CORO2B: variants seen among roughly 807,000 people sequenced by gnomAD.
CORO2B encodes coronin 2B, also known as coronin-2B.
CORO2B carries 26 observed loss-of-function variants against 58.8 expected under a neutral mutation model. The ratio of observed to expected loss-of-function variants is 0.44; its 90% CI spans 0.32 to 0.61. The LOEUF (loss-of-function observed/expected upper bound fraction) is 0.61, where lower values mean the gene tolerates loss of function less well. Ranked by LOEUF, CORO2B falls within the 20% of genes least tolerant of loss-of-function variation. The pLI, the probability that CORO2B is intolerant of heterozygous loss-of-function variation, is 0.04. For missense variants in CORO2B, 460 were observed against 645.1 expected (o/e 0.71, Z 3.11); for synonymous variants, 242 against 253.8 (o/e 0.95, Z 0.44).
intron 2 of CORO2B, among the ~76,000 whole-genome samples, chr15:68,651,814 A>G (rs1901652202): frequency 1.3e-5 from 2 of 152,254 alleles, no homozygotes; most frequent in African/African-American, 4.8e-5. Flanking sequence ...AGGGAGGCTC[A>G]GAACCTTCCA....
At chr15:68,670,508 C>T (rs555913370) in intron 2 of CORO2B, among the ~76,000 whole-genome samples, 4 of 152,114 alleles carry the variant, frequency 2.6e-5, no homozygotes, top group Non-Finnish European at 5.9e-5. Context: ...CATTAGTTTC[C>T]GTAGATGGAT....
chr15:68,632,705 C>T (rs1175445159), intron 1 of CORO2B, among the ~76,000 whole-genome samples: 2 of 152,214 alleles, frequency 1.3e-5, no homozygotes, highest in African/African-American at 2.4e-5. Context: ...ATTCTCGTAC[C>T]TCAGCCTCCT....
At chr15:68,661,861 G>A (rs1902024340) in intron 2 of CORO2B, among the ~76,000 whole-genome samples, 1 of 152,114 alleles carries the variant, frequency 6.6e-6, no homozygotes, top group African/African-American at 2.4e-5. Flanking sequence ...ACAAAAATTA[G>A]CCAGGTGTGA....
chr15:68,619,363 G>A (rs1170799762), intron 1 of CORO2B, among the ~76,000 whole-genome samples: 1 of 152,188 alleles, frequency 6.6e-6, no homozygotes, highest in Admixed American at 6.5e-5. Context: ...AGAGAAGGAT[G>A]TAAATAAAAT....
intron 1 of CORO2B, chr15:68,631,986 C>T: frequency 1.0e-6 from 1 of 985,464 alleles, no homozygotes; most frequent in Non-Finnish European, 1.2e-6. Flanking sequence ...TGGTTGCTAG[C>T]AACAGATTCT....
At chr15:68,551,613 G>C in the CORO2B span, among the ~76,000 whole-genome samples, 1 of 152,106 alleles carries the variant, frequency 6.6e-6, no homozygotes, top group African/African-American at 2.4e-5. Flanking sequence ...TTCTCCCACG[G>C]AAGGCAGCCC....
At chr15:68,676,569 G>T (rs1287207197) in intron 2 of CORO2B, among the ~76,000 whole-genome samples, 1 of 152,184 alleles carries the variant, frequency 6.6e-6, no homozygotes, top group Non-Finnish European at 1.5e-5. Flanking sequence ...AGCTGCAGAG[G>T]CAGGACTTGA....
At chr15:68,596,830 C>T (rs113523919) in intron 1 of CORO2B, among the ~76,000 whole-genome samples, 26 of 152,276 alleles carry the variant, frequency 1.7e-4, no homozygotes, top group Admixed American at 7.2e-4. Context: ...GAAATGGCCG[C>T]GCATCACGCA....
intron 2 of CORO2B, among the ~76,000 whole-genome samples, chr15:68,664,371 G>A (rs1902117018): frequency 6.6e-6 from 1 of 152,156 alleles, no homozygotes; most frequent in South Asian, 2.1e-4. Context: ...TTATTGGCGG[G>A]GCATGGTGGC....
intron 1 of CORO2B, among the ~76,000 whole-genome samples, chr15:68,615,414 T>C (rs1566985751): frequency 6.6e-6 from 1 of 152,184 alleles, no homozygotes; most frequent in Non-Finnish European, 1.5e-5. Context: ...CAGTGGATGT[T>C]TGTGAGATGC....
intron 1 of CORO2B, among the ~76,000 whole-genome samples, chr15:68,590,544 C>T (rs967010787): frequency 3.3e-5 from 5 of 152,074 alleles, no homozygotes; most frequent in African/African-American, 1.2e-4. Flanking sequence ...GAGCTGCAGG[C>T]CAGCTGGCCT....
chr15:68,650,819 C>A (rs1901618119), intron 2 of CORO2B, among the ~76,000 whole-genome samples: 2 of 152,128 alleles, frequency 1.3e-5, no homozygotes. Context: ...GAAGAGGGAG[C>A]CCCTGAAGTT....
chr15:68,559,666 C>G, the CORO2B span: 2 of 983,980 alleles, frequency 2.0e-6, no homozygotes, highest in African/African-American at 3.5e-5. The surrounding 1 kb of genome is among the most constrained non-coding windows in gnomAD (Gnocchi z 4.3). Context: ...GTCTGGGCCT[C>G]CGTTTCCGGT....
chr15:68,604,621 A>C (rs1900062614), intron 1 of CORO2B, among the ~76,000 whole-genome samples: 1 of 150,192 alleles, frequency 6.7e-6, no homozygotes, highest in African/African-American at 2.4e-5. Context: ...TTGTGATTTA[A>C]AAAAAAAAAC....
intron 3 of CORO2B, among the ~76,000 whole-genome samples, chr15:68,695,730 G>C (rs16952397): frequency 0.062 from 9,505 of 152,192 alleles, 1,008 homozygotes; most frequent in African/African-American, 0.22. Context: ...GCTGAGAGAA[G>C]TGTCCTGATT....
At chr15:68,682,389 G>A (rs1019570785) in intron 2 of CORO2B, among the ~76,000 whole-genome samples, 8 of 152,304 alleles carry the variant, frequency 5.3e-5, no homozygotes, top group African/African-American at 1.2e-4. Context: ...ATGTAAAGGC[G>A]TTTGTGGGGA....
chr15:68,706,234 C>T (rs772970677), intron 3 of CORO2B, among the ~76,000 whole-genome samples: 8 of 152,222 alleles, frequency 5.3e-5, no homozygotes, highest in Non-Finnish European at 8.8e-5. Flanking sequence ...GGGCATTTTT[C>T]TGCCTCCTCA....
intron 3 of CORO2B, among the ~76,000 whole-genome samples, chr15:68,696,687 G>A (rs905730302): frequency 2.6e-5 from 4 of 152,130 alleles, no homozygotes; most frequent in African/African-American, 9.7e-5. Flanking sequence ...GCCTTCCAGA[G>A]GGAGGGTCCC....
intron 1 of CORO2B, among the ~76,000 whole-genome samples, chr15:68,636,511 A>G (rs1470165396): frequency 6.6e-6 from 1 of 151,932 alleles, no homozygotes; most frequent in Non-Finnish European, 1.5e-5. Flanking sequence ...GCTTAGATCC[A>G]CTCCCTGATA....
Sources: allele counts gnomAD v4.1 joint callset (sites outside exome capture counted in the v4.1 genomes callset), GRCh38; gene constraint gnomAD v4.1.1; non-coding constraint Gnocchi (gnomAD v3.1); transcripts MANE v1.5; gene names NCBI Gene and HGNC (gene_info 2026-07-23, HGNC 2026-07-21).